The following ENPP3 variants were observed in gnomAD, a reference collection of about 807,000 sequenced individuals.
The protein encoded by ENPP3 is ectonucleotide pyrophosphatase/phosphodiesterase 3.
A neutral mutation model predicts 117.8 loss-of-function variants in ENPP3; 104 were observed. That is an observed-to-expected ratio of 0.88 (90% CI 0.75 to 1.04). The LOEUF (loss-of-function observed/expected upper bound fraction) is 1.04, where lower values mean the gene tolerates loss of function less well. Among genes scored for constraint, ENPP3 ranks in the 50% least tolerant of loss-of-function variants. ENPP3 has a pLI of 0.00. For synonymous variants in ENPP3, 380 were observed against 349.9 expected (o/e 1.09, Z -0.96); for missense variants, 1,026 against 1,051.9 (o/e 0.98, Z 0.34).
chr6:131,652,923 T>C (rs774565478), intron 5 of ENPP3, 32 bp downstream of exon 5: 2 of 1,457,312 alleles, frequency 1.4e-6, no homozygotes, highest in South Asian at 2.3e-5. Context: ...ATTTTTATCC[T>C]CCTTTAACAA....
rs1208072997 is a variant in ENPP3 at position 131,679,088 on chromosome 6, T to TC, written c.1011+1148_1011+1149insC. 7.9e-3 allele frequency among the ~76,000 whole-genome samples: 922 copies of TC among 117,092 alleles called. 99 individuals carry two copies. Among genetic ancestry groups the TC allele is most frequent in the African/African-American group, 0.02 (512 of 26,030 alleles). The allele number at this position is 117,092 out of a possible 152,430, so 76.8% of individuals were successfully genotyped here. Reference sequence around the variant, plus strand: ...TTCTTTCTTTCTTTCTTTCTTTCTTTTCTTCTTTCTTTCTTTCCTTTTTTG... The same window carrying TC: ...TTCTTTCTTTCTTTCTTTCTTTCTTTCTCTTCTTTCTTTCTTTCCTTTTTTG... On this transcript the variant is annotated intron_variant, in intron 11 of 24. Transcript: ENST00000357639.
intron 17 of ENPP3, among the ~76,000 whole-genome samples, chr6:131,721,443 G>A (rs901224247): frequency 6.6e-5 from 10 of 151,998 alleles, no homozygotes; most frequent in Non-Finnish European, 1.5e-4. Flanking sequence ...TGCAGAACTG[G>A]TTAAAAGGAA....
intron 6 of ENPP3, among the ~76,000 whole-genome samples, chr6:131,663,956 C>G (rs1387835559): frequency 6.6e-6 from 1 of 152,134 alleles, no homozygotes; most frequent in Non-Finnish European, 1.5e-5. Context: ...GGCTCAAACT[C>G]CTGGGCTCAG....
chr6:131,675,420 T>A lies in ENPP3; in HGVS notation c.872+231T>A, dbSNP rs1236602036. 5 of 445,992 alleles carry A rather than the reference T, an allele frequency of 1.1e-5. No homozygotes were observed. The Admixed American group carries it at 1.8e-4, about 16-fold the overall frequency. 27.6% of individuals were successfully genotyped at this position (445,992 alleles called of 1,614,324 possible). A position where few individuals can be genotyped will look rare whatever the true frequency, so the allele number is the denominator to read the frequency against. The stretch of plus-strand genomic sequence containing the variant: ...TTTTTATTACCTCTAGCATTACCAC[T>A]CTGGTTCGAGCTGTCATCTCTTGCC... On this transcript the variant is annotated intron_variant, in intron 9 of 24. Coordinates refer to ENST00000357639, the MANE Select transcript of ENPP3 (RefSeq NM_005021.5).
chr6:131,733,281 A>G (rs972130980), intron 20 of ENPP3, among the ~76,000 whole-genome samples: 1 of 152,188 alleles, frequency 6.6e-6, no homozygotes, highest in African/African-American at 2.4e-5. Flanking sequence ...TAAAAGTTAG[A>G]TCTTGAAAAG....
In ENPP3 at chr6:131,726,112, A is replaced by T; in HGVS notation, c.1865A>T (p.His622Leu). 1 of 1,613,562 alleles carries T rather than the reference A, an allele frequency of 6.2e-7. No homozygotes were observed. Residue 622 changes from histidine to leucine, a missense_variant, in exon 20 of 25, where the codon CAC (histidine) becomes CTC (leucine). Coordinates refer to ENST00000357639, the MANE Select transcript of ENPP3 (RefSeq NM_005021.5). Reference protein sequence around the residue: ...RPRVLQKNVDHCLLYHREYVS... With the variant: ...RPRVLQKNVDLCLLYHREYVS... ...AGGGTACTGCAGAAGAACGTGGACCACTGTCTCCTTTACCACAGGGAATAT... is the reference window on the plus strand; with the variant it reads ...AGGGTACTGCAGAAGAACGTGGACCTCTGTCTCCTTTACCACAGGGAATAT...
At chr6:131,691,993 T>C (rs1317767872) in intron 14 of ENPP3, among the ~76,000 whole-genome samples, 3 of 152,242 alleles carry the variant, frequency 2.0e-5, no homozygotes, top group Non-Finnish European at 4.4e-5. Context: ...TCTTCTTTCA[T>C]TCTATAAACT....
At chr6:131,661,836 A>C (rs1239817728) in intron 6 of ENPP3, among the ~76,000 whole-genome samples, 1 of 152,006 alleles carries the variant, frequency 6.6e-6, no homozygotes, top group East Asian at 1.9e-4. Context: ...GTTTTCCCCC[A>C]TTTCATATGT....
intron 24 of ENPP3, among the ~76,000 whole-genome samples, chr6:131,740,822 C>G (rs189118357): frequency 6.6e-6 from 1 of 152,232 alleles, no homozygotes; most frequent in East Asian, 1.9e-4. Flanking sequence ...TAATAGCACT[C>G]AAAGTCCTCT....
chr6:131,657,322 C>T (rs1187240133), intron 5 of ENPP3, among the ~76,000 whole-genome samples: 2 of 152,150 alleles, frequency 1.3e-5, no homozygotes, highest in African/African-American at 2.4e-5. Flanking sequence ...AAAGATAGCT[C>T]ATGTCCCTTC....
chr6:131,642,567 C>T (rs1447747499), intron 2 of ENPP3, among the ~76,000 whole-genome samples: 1 of 151,842 alleles, frequency 6.6e-6, no homozygotes, highest in Non-Finnish European at 1.5e-5. Context: ...TTCATGTCCC[C>T]CCGCTTTTTG....
chr6:131,731,570 C>A (rs1051892397), intron 20 of ENPP3, among the ~76,000 whole-genome samples: 1 of 152,150 alleles, frequency 6.6e-6, no homozygotes, highest in Non-Finnish European at 1.5e-5. Context: ...TCTGATCATC[C>A]CTCTGGTTTA....
chr6:131,718,658 T>C lies in ENPP3; in HGVS notation c.1413-14T>C. On this transcript the variant is annotated splice_polypyrimidine_tract_variant and intron_variant, in intron 15 of 24. Transcript: ENST00000357639. Reference sequence around the variant, plus strand: ...ATATATTGATCAGTGTGTAATAATATTTTTTCTTTATAGGAGTAAATCAAA... The same window carrying C: ...ATATATTGATCAGTGTGTAATAATACTTTTTCTTTATAGGAGTAAATCAAA... 1 of 1,450,650 alleles carries C rather than the reference T, an allele frequency of 6.9e-7. No individual in the cohort carries two copies. Among genetic ancestry groups the C allele is most frequent in the Admixed American group, 1.7e-5 (1 of 58,886 alleles). The allele number at this position is 1,450,650 out of a possible 1,614,324, so 89.9% of individuals were successfully genotyped here. A position where few individuals can be genotyped will look rare whatever the true frequency, so the allele number is the denominator to read the frequency against.
intron 15 of ENPP3, among the ~76,000 whole-genome samples, chr6:131,694,819 T>A: frequency 1.5e-5 from 2 of 132,424 alleles, no homozygotes; most frequent in African/African-American, 3.0e-5. Context: ...AGGCGACAGA[T>A]CAAATTAGTA....
At chr6:131,686,762 T>C (rs1451199405) in intron 14 of ENPP3, among the ~76,000 whole-genome samples, 1 of 152,216 alleles carries the variant, frequency 6.6e-6, no homozygotes, top group Non-Finnish European at 1.5e-5. Flanking sequence ...CAACATGCAG[T>C]ATTTGGTTTT....
chr6:131,728,212 C>A (rs192569270), intron 20 of ENPP3, among the ~76,000 whole-genome samples: 1 of 152,060 alleles, frequency 6.6e-6, no homozygotes, highest in South Asian at 2.1e-4. Context: ...TTATTGTTTT[C>A]GAGAGGAGTG....
chr6:131,687,912 A>G (rs1461622570), intron 14 of ENPP3, among the ~76,000 whole-genome samples: 1 of 152,198 alleles, frequency 6.6e-6, no homozygotes, highest in African/African-American at 2.4e-5. Context: ...GTATGGGGGT[A>G]TACAGTTACA....
intron 6 of ENPP3, among the ~76,000 whole-genome samples, chr6:131,669,161 TA>T (rs1778685639): frequency 6.6e-6 from 1 of 152,222 alleles, no homozygotes; most frequent in Non-Finnish European, 1.5e-5. Flanking sequence ...TAAATTATTT[TA>T]ATTGTGTAAG....
chr6:131,652,198 C>T (rs1376777538), intron 3 of ENPP3, among the ~76,000 whole-genome samples: 1 of 152,228 alleles, frequency 6.6e-6, no homozygotes, highest in African/African-American at 2.4e-5. Context: ...CTGGGCAAAG[C>T]TGCTTTTGGG....
Sources: allele counts gnomAD v4.1 joint callset (sites outside exome capture counted in the v4.1 genomes callset), GRCh38; gene constraint gnomAD v4.1.1; transcripts MANE v1.5; gene names NCBI Gene and HGNC (gene_info 2026-07-23, HGNC 2026-07-21).